LRFN2: variants seen among roughly 807,000 people sequenced by gnomAD.
LRFN2 encodes the protein leucine rich repeat and fibronectin type III domain containing 2.
Under a neutral mutation model 37.3 loss-of-function variants are expected in LRFN2, and 18 were observed. That is an observed-to-expected ratio of 0.48 (90% CI 0.33 to 0.72). The LOEUF is 0.72. Among genes scored for constraint, LRFN2 ranks in the 30% least tolerant of loss-of-function variants. The pLI is 0.02. For synonymous variants in LRFN2, 556 were observed against 466.6 expected (o/e 1.19, Z -2.47); for missense variants, 1,006 against 1,060.7 (o/e 0.95, Z 0.72).
chr6:40,429,586 G>C (rs993767714), intron 2 of LRFN2, among the ~76,000 whole-genome samples: 8 of 152,338 alleles, frequency 5.3e-5, no homozygotes, highest in African/African-American at 1.9e-4. Flanking sequence ...ATTGGCAAAA[G>C]TGTGATCAAA....
At chr6:40,505,709 T>C (rs1379082166) in intron 1 of LRFN2, among the ~76,000 whole-genome samples, 1 of 152,050 alleles carries the variant, frequency 6.6e-6, no homozygotes, top group East Asian at 1.9e-4. Context: ...GCCTCTAGGG[T>C]GGCACTCAGT....
chr6:40,403,944 C>T (rs554781232), intron 2 of LRFN2, among the ~76,000 whole-genome samples: 1 of 152,288 alleles, frequency 6.6e-6, no homozygotes, highest in South Asian at 2.1e-4. Context: ...ATCTGGGCTC[C>T]CCACTGCTTC....
intron 1 of LRFN2, among the ~76,000 whole-genome samples, chr6:40,577,108 C>CTCTTCTCTTCTCTTCT (rs150002933): frequency 1.9e-5 from 2 of 104,588 alleles, no homozygotes; most frequent in African/African-American, 4.0e-5. Flanking sequence ...CTTTTCCTTT[C>CTCTTCTCTTCTCTTCT]TTTTCTTTTT....
At chr6:40,482,943 C>T (rs1323649674) in intron 1 of LRFN2, among the ~76,000 whole-genome samples, 1 of 152,254 alleles carries the variant, frequency 6.6e-6, no homozygotes, top group Non-Finnish European at 1.5e-5. Context: ...CCACTGCCAG[C>T]TCCCTGTCCC....
chr6:40,568,034 C>G (rs1215968785), intron 1 of LRFN2, among the ~76,000 whole-genome samples: 1 of 152,222 alleles, frequency 6.6e-6, no homozygotes, highest in Non-Finnish European at 1.5e-5. Flanking sequence ...AAAATTCACT[C>G]TTCCCAGACG....
intron 1 of LRFN2, among the ~76,000 whole-genome samples, chr6:40,585,851 G>A (rs1049177148): frequency 3.5e-5 from 5 of 142,892 alleles, no homozygotes; most frequent in Non-Finnish European, 1.5e-5. Context: ...ACACACACGC[G>A]TACACACACA....
intron 2 of LRFN2, among the ~76,000 whole-genome samples, chr6:40,417,645 C>CA (rs1398135337): frequency 4.6e-5 from 7 of 152,132 alleles, no homozygotes; most frequent in Admixed American, 4.6e-4. Context: ...GGGGGAGATC[C>CA]AAAACTCCTC....
intron 1 of LRFN2, among the ~76,000 whole-genome samples, chr6:40,485,277 G>A (rs757709016): frequency 5.9e-5 from 9 of 152,138 alleles, no homozygotes; most frequent in African/African-American, 9.7e-5. Flanking sequence ...CCCGGGCATC[G>A]TGGAGAGAAA....
At chr6:40,522,523 G>A (rs147111121) in intron 1 of LRFN2, among the ~76,000 whole-genome samples, 1 of 152,268 alleles carries the variant, frequency 6.6e-6, no homozygotes, top group Non-Finnish European at 1.5e-5. Flanking sequence ...AGCTCTAAGA[G>A]GACAACTGCT....
In LRFN2 at chr6:40,538,176, C is replaced by T. The variant is rs577071481; in HGVS notation, c.-19+48765G>A. 2.6e-5 allele frequency among the ~76,000 whole-genome samples: 4 copies of T among 152,260 alleles called. No homozygotes were observed. The East Asian group carries it at 7.7e-4, about 29-fold the overall frequency. ...TTCATTAGGAGTTAAATCTCATGAA[C>T]CCTAGGCATTCAACACTGTGGGGAG... On this transcript the variant is annotated intron_variant, in intron 1 of 2. Transcript: ENST00000338305.
At chr6:40,476,392 C>T (rs978812309) in intron 1 of LRFN2, among the ~76,000 whole-genome samples, 5 of 152,226 alleles carry the variant, frequency 3.3e-5, no homozygotes, top group South Asian at 2.1e-4. Flanking sequence ...TCCCTTTGAA[C>T]CTGTGTCTCC....
At chr6:40,481,340 C>T (rs1764826167) in intron 1 of LRFN2, among the ~76,000 whole-genome samples, 1 of 148,368 alleles carries the variant, frequency 6.7e-6, no homozygotes, top group African/African-American at 2.5e-5. Context: ...GAGGCTGAGG[C>T]AGGAGAATCA....
chr6:40,541,900 C>T (rs2436755), intron 1 of LRFN2, among the ~76,000 whole-genome samples: 6,538 of 152,274 alleles, frequency 0.043, 452 homozygotes, highest in African/African-American at 0.14. Context: ...GTTATGCAAA[C>T]GCCTGCATCC....
At chr6:40,547,109 T>C in intron 1 of LRFN2, among the ~76,000 whole-genome samples, 1 of 151,618 alleles carries the variant, frequency 6.6e-6, no homozygotes, top group African/African-American at 2.4e-5. Context: ...GCAAATCTTT[T>C]TTTTTTTTTT....
At chr6:40,504,275 G>C (rs1194039195) in intron 1 of LRFN2, among the ~76,000 whole-genome samples, 1 of 152,204 alleles carries the variant, frequency 6.6e-6, no homozygotes, top group Non-Finnish European at 1.5e-5. Flanking sequence ...CCTTGGGAAA[G>C]TTACTTAACT....
intron 1 of LRFN2, among the ~76,000 whole-genome samples, chr6:40,474,406 G>A (rs1003586269): frequency 6.6e-6 from 1 of 152,106 alleles, no homozygotes; most frequent in Non-Finnish European, 1.5e-5. Context: ...TCTTTTCTGT[G>A]CCTGTCTCTT....
At chr6:40,560,179 T>C (rs1051763270) in intron 1 of LRFN2, among the ~76,000 whole-genome samples, 1 of 152,222 alleles carries the variant, frequency 6.6e-6, no homozygotes, top group Non-Finnish European at 1.5e-5. Context: ...GTTTGTGAAC[T>C]GAAGGGAATC....
At chr6:40,445,665 C>T (rs1763951786) in intron 1 of LRFN2, among the ~76,000 whole-genome samples, 1 of 152,184 alleles carries the variant, frequency 6.6e-6, no homozygotes, top group African/African-American at 2.4e-5. Context: ...CCTCAAGAGG[C>T]CCCGGCTTGA....
chr6:40,585,298 A>G (rs1049459153), intron 1 of LRFN2, among the ~76,000 whole-genome samples: 1 of 152,186 alleles, frequency 6.6e-6, no homozygotes, highest in Non-Finnish European at 1.5e-5. Context: ...GAGCAGAAGC[A>G]TGTGAGGAGG....
Sources: allele counts gnomAD v4.1 joint callset (sites outside exome capture counted in the v4.1 genomes callset), GRCh38; gene constraint gnomAD v4.1.1; transcripts MANE v1.5; gene names NCBI Gene and HGNC (gene_info 2026-07-23, HGNC 2026-07-21).